The following UMAD1 variants were observed in gnomAD, a reference collection of about 807,000 sequenced individuals.
The protein encoded by UMAD1 is UBAP1-MVB12-associated (UMA) domain containing 1.
Under a neutral mutation model 6.1 loss-of-function variants are expected in UMAD1, and 8 were observed. That is an observed-to-expected ratio of 1.30 (90% CI 0.76 to 2.35). The LOEUF is 2.35. Among genes scored for constraint, UMAD1 ranks in the 30% most tolerant of loss-of-function variants. UMAD1 has a pLI of 0.00. For synonymous variants in UMAD1, 56 were observed against 31.4 expected (o/e 1.78, Z -2.61); for missense variants, 130 against 78.4 (o/e 1.66, Z -2.49).
intron 2 of UMAD1, among the ~76,000 whole-genome samples, chr7:7,798,153 G>A (rs774620872): frequency 5.3e-5 from 8 of 152,230 alleles, no homozygotes; most frequent in Non-Finnish European, 1.2e-4. Context: ...CAATGGTAGA[G>A]TTGTGAAGTT....
chr7:7,697,506 A>T (rs7799716), intron 2 of UMAD1, among the ~76,000 whole-genome samples: 1 of 152,194 alleles, frequency 6.6e-6, no homozygotes, highest in African/African-American at 2.4e-5. Flanking sequence ...TTGAAATATG[A>T]TTGTGGCTTC....
intron 2 of UMAD1, among the ~76,000 whole-genome samples, chr7:7,727,140 C>A (rs1204568984): frequency 2.0e-5 from 3 of 152,150 alleles, no homozygotes; most frequent in Admixed American, 2.0e-4. Flanking sequence ...AGGTAGTCAT[C>A]AATACCAGCT....
At chr7:7,645,603 T>C (rs1227693090) in intron 1 of UMAD1, among the ~76,000 whole-genome samples, 2 of 152,202 alleles carry the variant, frequency 1.3e-5, no homozygotes, top group Non-Finnish European at 2.9e-5. Context: ...GTTTATTAGA[T>C]TAAGGAATTT....
chr7:7,753,665 G>A (rs1392950774), intron 2 of UMAD1, among the ~76,000 whole-genome samples: 1 of 152,040 alleles, frequency 6.6e-6, no homozygotes, highest in African/African-American at 2.4e-5. Flanking sequence ...TTCTCTATCC[G>A]TTCATCTGTT....
At chr7:7,678,801 AATATATTTATATATTTAGTTTATAAAC>A (rs1779832996) in intron 2 of UMAD1, among the ~76,000 whole-genome samples, 1 of 28,122 alleles carries the variant, frequency 3.6e-5, no homozygotes, top group African/African-American at 1.8e-4. Flanking sequence ...TTAGTTTATA[AATATATTTATATATTTAGTTTATAAAC>A]ATATATTTAT....
chr7:7,687,338 CA>C (rs1269725955), intron 2 of UMAD1: 1 of 152,170 alleles, frequency 6.6e-6, no homozygotes, highest in Non-Finnish European at 1.5e-5. Context: ...TCTGCACTGA[CA>C]AAAGGGAGTA....
intron 2 of UMAD1, among the ~76,000 whole-genome samples, chr7:7,753,743 C>CAGAT (rs1400590794): frequency 1.6e-4 from 24 of 152,278 alleles, no homozygotes; most frequent in Middle Eastern, 3.4e-3. Context: ...CATGGGAGTG[C>CAGAT]AGATATCTCT....
chr7:7,664,731 G>A (rs532673543), intron 1 of UMAD1, among the ~76,000 whole-genome samples: 1 of 152,164 alleles, frequency 6.6e-6, no homozygotes, highest in Non-Finnish European at 1.5e-5. Flanking sequence ...TTTCTGGAAT[G>A]TTTTATGCTT....
chr7:7,754,133 C>G (rs111951658), intron 2 of UMAD1, among the ~76,000 whole-genome samples: 12,505 of 151,864 alleles, frequency 0.082, 556 homozygotes, highest in African/African-American at 0.095. Context: ...TGCAGTGAGC[C>G]AAGATTGCGC....
intron 1 of UMAD1, among the ~76,000 whole-genome samples, chr7:7,643,215 C>G (rs1785014896): frequency 2.0e-5 from 3 of 152,172 alleles, no homozygotes; most frequent in Non-Finnish European, 4.4e-5. Flanking sequence ...GAGGGAGAAA[C>G]AGCTTCCTGG....
At position 7,694,015 on chromosome 7, in the gene UMAD1, G is replaced by A. The variant is rs561960592; in HGVS notation, c.82+20562G>A. 3.7e-4 allele frequency among the ~76,000 whole-genome samples: 56 copies of A among 152,154 alleles called. No individual in the cohort carries two copies. The South Asian group carries it at 9.8e-3, about 26-fold the overall frequency. ...GAATACTAATGCTTTGTTGATATAAGGCAACTGAGTTTTTTTCAACTGAGT... is the reference window on the plus strand; with the variant it reads ...GAATACTAATGCTTTGTTGATATAAAGCAACTGAGTTTTTTTCAACTGAGT... On this transcript the variant is annotated intron_variant, in intron 2 of 3. Transcript: ENST00000682710.
At position 7,867,387 on chromosome 7, in the gene UMAD1, G is replaced by C. The variant is rs1784253007; in HGVS notation, c.157-9894G>C. Among the ~76,000 whole-genome samples the C allele has an allele frequency of 2.0e-5, 3 of 152,110 alleles. No homozygotes were observed. In the South Asian group the frequency reaches 6.2e-4, roughly 32 times the overall value. On this transcript the variant is annotated intron_variant, in intron 3 of 3. Coordinates refer to ENST00000682710, the MANE Select transcript of UMAD1 (RefSeq NM_001302348.2). ...AAGCTCATCCGAAGAAGTGTGTTGA[G>C]ATTAGGAAGAGTAAAGGAACAGAAA...
intron 3 of UMAD1, among the ~76,000 whole-genome samples, chr7:7,847,169 T>C (rs1215457117): frequency 8.1e-6 from 1 of 123,506 alleles, no homozygotes; most frequent in African/African-American, 3.1e-5. Flanking sequence ...TCATAATAAT[T>C]GTTTTAAAGT....
chr7:7,740,892 G>C (rs530483156), intron 2 of UMAD1: 1 of 152,158 alleles, frequency 6.6e-6, no homozygotes, highest in African/African-American at 2.4e-5. Context: ...CAGTATTTGG[G>C]TCCAAACCTA....
chr7:7,877,076 T>C (rs1192621579), intron 3 of UMAD1, among the ~76,000 whole-genome samples: 1 of 152,204 alleles, frequency 6.6e-6, no homozygotes, highest in African/African-American at 2.4e-5. Flanking sequence ...GTGGTCAGTC[T>C]GAGTTAAAGT....
chr7:7,721,777 G>A (rs1158421915), intron 2 of UMAD1, among the ~76,000 whole-genome samples: 1 of 152,178 alleles, frequency 6.6e-6, no homozygotes, highest in South Asian at 2.1e-4. Flanking sequence ...TTAATACTGA[G>A]TGTCAACTTG....
At chr7:7,858,795 C>A (rs1441728054) in intron 3 of UMAD1, among the ~76,000 whole-genome samples, 1 of 152,214 alleles carries the variant, frequency 6.6e-6, no homozygotes, top group African/African-American at 2.4e-5. Flanking sequence ...TATGCTCACA[C>A]TTTCACTTCT....
At chr7:7,837,607 C>A (rs1259768574) in intron 3 of UMAD1, among the ~76,000 whole-genome samples, 1 of 151,692 alleles carries the variant, frequency 6.6e-6, no homozygotes, top group Non-Finnish European at 1.5e-5. Flanking sequence ...TAACTCTAAA[C>A]TAGTGGAGAT....
At chr7:7,821,500 C>T (rs1437512331) in intron 3 of UMAD1, among the ~76,000 whole-genome samples, 2 of 152,012 alleles carry the variant, frequency 1.3e-5, no homozygotes, top group South Asian at 2.1e-4. Flanking sequence ...TGGACAATGC[C>T]AGTCTAATAG....
Sources: allele counts gnomAD v4.1 joint callset (sites outside exome capture counted in the v4.1 genomes callset), GRCh38; gene constraint gnomAD v4.1.1; transcripts MANE v1.5; gene names NCBI Gene and HGNC (gene_info 2026-07-23, HGNC 2026-07-21).